COTL1: variants seen among roughly 807,000 people sequenced by gnomAD.
The protein encoded by COTL1 is coactosin-like protein.
A neutral mutation model predicts 16.5 loss-of-function variants in COTL1; 15 were observed. The ratio of observed to expected loss-of-function variants is 0.91; its 90% CI spans 0.61 to 1.40. COTL1 has a LOEUF of 1.40. Among genes scored for constraint, COTL1 ranks in the 40% most tolerant of loss-of-function variants. The pLI, the probability that COTL1 is intolerant of heterozygous loss-of-function variation, is 0.00. For missense variants in COTL1, 220 were observed against 201.5 expected (o/e 1.09, Z -0.56); for synonymous variants, 112 against 85.3 (o/e 1.31, Z -1.73).
intron 2 of COTL1, among the ~76,000 whole-genome samples, chr16:84,603,687 G>T (rs765963549): frequency 1.3e-5 from 2 of 152,120 alleles, no homozygotes; most frequent in Non-Finnish European, 2.9e-5. Flanking sequence ...CGGGAGTTCA[G>T]AGGGGAGAGG....
Position 84,617,968 on chromosome 16 carries a change from C to T in COTL1, c.-54G>A, listed in dbSNP as rs950349423. ...CGGGGCGGCCGAGCGCGCCCCTGGCCGGCGGCGGGGATGGGAGCGCGGCGG... is the reference window on the plus strand; with the variant it reads ...CGGGGCGGCCGAGCGCGCCCCTGGCTGGCGGCGGGGATGGGAGCGCGGCGG... On this transcript the variant is annotated 5_prime_UTR_variant, in exon 1 of 4. Transcript: ENST00000262428. 1.4e-5 allele frequency: 19 copies of T among 1,363,614 alleles called. No individual in the cohort carries two copies. The highest frequency in any genetic ancestry group is 1.7e-5 in the Non-Finnish European group (18 of 1,037,308). The allele number at this position is 1,363,614 out of a possible 1,614,324, so 84.5% of individuals were successfully genotyped here.
At chr16:84,592,398 G>A (rs1904891906) in intron 2 of COTL1, among the ~76,000 whole-genome samples, 1 of 152,130 alleles carries the variant, frequency 6.6e-6, no homozygotes, top group Non-Finnish European at 1.5e-5. Context: ...TGCTCTCTCA[G>A]GGCGTTTAGT....
At chr16:84,573,416 CA>C (rs1395620331) in intron 3 of COTL1, among the ~76,000 whole-genome samples, 3 of 152,158 alleles carry the variant, frequency 2.0e-5, no homozygotes, top group African/African-American at 7.2e-5. Context: ...GCCCATCCGA[CA>C]GGGGTGGACA....
chr16:84,585,672 T>G (rs16974225), intron 3 of COTL1, among the ~76,000 whole-genome samples: 1 of 152,066 alleles, frequency 6.6e-6, no homozygotes, highest in Non-Finnish European at 1.5e-5. Flanking sequence ...AGAGGGGAAG[T>G]TGATAGGCAT....
At chr16:84,573,105 A>T (rs537821310) in intron 3 of COTL1, among the ~76,000 whole-genome samples, 12 of 152,378 alleles carry the variant, frequency 7.9e-5, no homozygotes, top group African/African-American at 2.9e-4. Context: ...GAAAGAAACC[A>T]GTGCCATTTA....
intron 3 of COTL1, among the ~76,000 whole-genome samples, chr16:84,586,633 G>A (rs573709200): frequency 1.3e-5 from 2 of 152,284 alleles, no homozygotes; most frequent in South Asian, 2.1e-4. Context: ...ATTTTAGACA[G>A]AGTCTTGCTG....
intron 3 of COTL1, among the ~76,000 whole-genome samples, chr16:84,578,133 G>A (rs549578634): frequency 6.6e-6 from 1 of 151,732 alleles, no homozygotes; most frequent in Non-Finnish European, 1.5e-5. Context: ...CCTTAACCCG[G>A]AGCTCCAAAT....
At chr16:84,592,728 G>C (rs1904901018) in intron 2 of COTL1, among the ~76,000 whole-genome samples, 1 of 152,162 alleles carries the variant, frequency 6.6e-6, no homozygotes, top group African/African-American at 2.4e-5. Context: ...AGGAGATACT[G>C]GCCTGCAGCT....
At chr16:84,569,842 G>C (rs1398655636) in intron 3 of COTL1, among the ~76,000 whole-genome samples, 1 of 152,234 alleles carries the variant, frequency 6.6e-6, no homozygotes, top group African/African-American at 2.4e-5. Flanking sequence ...GCTTTCAGAA[G>C]GAGGAAGCCA....
rs561534827 is a variant in COTL1, at chr16:84,591,184, A to ATT, written c.161-924_161-923dup. ...TCAAAATATCATTTGATATTCTGGA[A>ATT]TTTTTTTTTTTTTTTTTGAGACAGA... On this transcript the variant is annotated intron_variant, in intron 2 of 3. Transcript: ENST00000262428. Among the ~76,000 whole-genome samples the ATT allele has an allele frequency of 1.4e-3, 195 of 139,542 alleles. 3 individuals are homozygous for ATT. Among genetic ancestry groups the ATT allele is most frequent in the Middle Eastern group, 7.2e-3 (2 of 276 alleles). 91.5% of individuals were successfully genotyped at this position (139,542 alleles called of 152,430 possible).
intron 2 of COTL1, among the ~76,000 whole-genome samples, chr16:84,612,388 A>C (rs1362861459): frequency 6.6e-6 from 1 of 152,218 alleles, no homozygotes; most frequent in African/African-American, 2.4e-5. Context: ...CCTATTGCAT[A>C]CCAGCCTGGG....
Position 84,566,794 on chromosome 16 carries a change from C to A in COTL1, c.*51G>T. ...AGCTGAGGCCGGCGGTCCTCTCCCCCGGGGAGCAGGCAGATGACTTTGGCA... is the reference window on the plus strand; with the variant it reads ...AGCTGAGGCCGGCGGTCCTCTCCCCAGGGGAGCAGGCAGATGACTTTGGCA... On this transcript the variant is annotated 3_prime_UTR_variant, in exon 4 of 4. Transcript: ENST00000262428. 7.5e-7 allele frequency: 1 copy of A among 1,326,090 alleles called. No individual in the cohort carries two copies. Among genetic ancestry groups the A allele is most frequent in the East Asian group, 2.3e-5 (1 of 43,308 alleles). 82.1% of individuals were successfully genotyped at this position (1,326,090 alleles called of 1,614,324 possible). A position where few individuals can be genotyped will look rare whatever the true frequency, so the allele number is the denominator to read the frequency against.
chr16:84,616,724 C>T (rs988974893), intron 2 of COTL1, among the ~76,000 whole-genome samples: 1 of 152,166 alleles, frequency 6.6e-6, no homozygotes. Flanking sequence ...ATGCCTGCCA[C>T]GTGGTCTTTC....
At chr16:84,587,459 T>A (rs1309687579) in intron 3 of COTL1, among the ~76,000 whole-genome samples, 1 of 152,158 alleles carries the variant, frequency 6.6e-6, no homozygotes, top group African/African-American at 2.4e-5. Context: ...GGTTGGAACA[T>A]TCTTTATAAA....
chr16:84,603,673 G>A (rs562420766), intron 2 of COTL1, among the ~76,000 whole-genome samples: 2 of 152,272 alleles, frequency 1.3e-5, no homozygotes, highest in East Asian at 1.9e-4. Context: ...GGCAGTGGGG[G>A]AGCCGGGAGT....
intron 3 of COTL1, among the ~76,000 whole-genome samples, chr16:84,581,506 T>TTG (rs1567532922): frequency 2.0e-5 from 3 of 151,506 alleles, no homozygotes; most frequent in Non-Finnish European, 2.9e-5. Context: ...TCTCTAATTT[T>TTG]TTGTTGTTGT....
intron 3 of COTL1, among the ~76,000 whole-genome samples, chr16:84,582,680 A>AG (rs1904625791): frequency 6.6e-6 from 1 of 152,220 alleles, no homozygotes; most frequent in Admixed American, 6.5e-5. Context: ...CGGGTTTTGA[A>AG]GGATGAATAG....
intron 2 of COTL1, among the ~76,000 whole-genome samples, chr16:84,591,634 T>TAAA (rs372775821): frequency 2.1e-4 from 16 of 75,186 alleles, no homozygotes; most frequent in African/African-American, 7.5e-4. Flanking sequence ...ATCACCTCTC[T>TAAA]AAAAAAAAAA....
chr16:84,599,253 G>A (rs775924215), intron 2 of COTL1, among the ~76,000 whole-genome samples: 8 of 152,150 alleles, frequency 5.3e-5, no homozygotes, highest in East Asian at 1.9e-4. Flanking sequence ...TCTGCGTATC[G>A]CCAAAGCCAG....
Sources: gnomAD v4.1 joint callset for allele counts (sites outside exome capture counted in the v4.1 genomes callset) on GRCh38, gnomAD v4.1.1 for gene constraint, MANE v1.5 for transcripts, NCBI Gene and HGNC (gene_info 2026-07-23, HGNC 2026-07-21) for gene names.